The following BNC1 variants were observed in gnomAD, a reference collection of about 807,000 sequenced individuals.
BNC1 encodes the protein zinc finger protein basonuclin-1.
In BNC1, 8 loss-of-function variants were observed where a neutral mutation model predicts 66.5. That is an observed-to-expected ratio of 0.12 (90% CI 0.07 to 0.22). The LOEUF (loss-of-function observed/expected upper bound fraction) is 0.22. Among genes scored for constraint, BNC1 ranks in the 10% least tolerant of loss-of-function variants. BNC1 has a pLI of 1.00. For synonymous variants in BNC1, 454 were observed against 452.6 expected (o/e 1.00, Z -0.04); for missense variants, 1,069 against 1,241.3 (o/e 0.86, Z 2.09).
chr15:83,284,500 C>T (rs1298942223), intron 1 of BNC1, 30 bp downstream of exon 1: 4 of 1,196,334 alleles, frequency 3.3e-6, no homozygotes, highest in Admixed American at 7.7e-5. Context: ...CACAGAGAAT[C>T]CCCGCGCCCG....
In BNC1 at chr15:83,264,255, A is replaced by T. The variant is rs2038188139; in HGVS notation, c.996T>A (p.Phe332Leu). The stretch of plus-strand genomic sequence containing the variant: ...CCTCAGGGGATAACTGTGTCCTTTC[A>T]AACTTAGTGACAATGTTGTATGAGC... Reference protein sequence around the residue: ...DSSSYNIVTKFERTQLSPEAK... With the variant: ...DSSSYNIVTKLERTQLSPEAK... The change falls in exon 4 of 5, where the codon TTT becomes TTA. Residue 332 changes from phenylalanine to leucine, a missense_variant. Physicochemically the swap from Phe to Leu is conservative, Grantham distance 22 (BLOSUM62 0). Around this residue, in one of 7 missense-constraint regions of BNC1, gnomAD observed 82 missense variants for 136.3 expected, o/e 0.60. Coordinates refer to ENST00000345382, the MANE Select transcript of BNC1 (RefSeq NM_001717.4). 1 of 1,614,010 alleles carries T rather than the reference A, an allele frequency of 6.2e-7. No homozygotes were observed.
chr15:83,277,434 T>G (rs2038334954), intron 1 of BNC1, among the ~76,000 whole-genome samples: 1 of 152,098 alleles, frequency 6.6e-6, no homozygotes, highest in South Asian at 2.1e-4. Context: ...CTCAGCTTCC[T>G]GAGTAGCTGG....
At chr15:83,267,861 AATAG>A (rs1298243327) in intron 2 of BNC1, among the ~76,000 whole-genome samples, 2 of 152,236 alleles carry the variant, frequency 1.3e-5, no homozygotes, top group Non-Finnish European at 2.9e-5. Flanking sequence ...TAGAGGCTGT[AATAG>A]ATAGAACAGA....
intron 4 of BNC1, among the ~76,000 whole-genome samples, chr15:83,262,652 T>C (rs1361254458): frequency 6.6e-6 from 1 of 152,218 alleles, no homozygotes. Flanking sequence ...TTTCTCAAAC[T>C]GTAGCCCCCA....
Position 83,266,908 on chromosome 15 carries a change from T to G in BNC1, c.363A>C (p.Gln121His), listed in dbSNP as rs200222432. 41 of 1,614,224 alleles carry G rather than the reference T, an allele frequency of 2.5e-5. No individual in the cohort carries two copies. Among genetic ancestry groups the G allele is most frequent in the Non-Finnish European group, 3.4e-6 (4 of 1,180,032 alleles). Residue 121 changes from glutamine to histidine, a missense_variant, in exon 3 of 5, where the codon CAA becomes CAC. By Grantham distance (24) the Gln-to-His change is conservative (BLOSUM62 0). This residue lies in a region of BNC1 where 39 missense variants were observed against 89.5 expected (regional missense o/e 0.44). Transcript: ENST00000345382. Reference sequence around the variant, plus strand: ...CATGGAGGATCTGGAGAACCTCATCTTGCTTCAACACACTGAAGAGCCGGT... The same window carrying G: ...CATGGAGGATCTGGAGAACCTCATCGTGCTTCAACACACTGAAGAGCCGGT... ...LLDRLFSVLK[Q>H]DEVLQILHAL...
rs149687703 is a variant in BNC1, at chr15:83,263,675, C to T, written c.1576G>A (p.Glu526Lys). Residue 526 changes from glutamate (E) to lysine (K), a missense_variant, in exon 4 of 5, where the codon GAA becomes AAA. Transcript: ENST00000345382. ...SSIPEQLISN[E>K]MPFDALPKKK... ...TTGGGAAGGGCATCAAATGGCATTT[C>T]GTTTGAAATGAGCTGTTCTGGGATT... The T allele has an allele frequency of 3.5e-4, 564 of 1,614,150 alleles. 4 individuals are homozygous for T. The South Asian group carries it at 4.2e-3, about 12-fold the overall frequency.
rs535789928 is a variant in BNC1 at position 83,282,805 on chromosome 15, T to A, written c.99+1725A>T. 1.7e-4 allele frequency among the ~76,000 whole-genome samples: 26 copies of A among 152,326 alleles called. No individual in the cohort carries two copies. In the East Asian group the frequency reaches 3.7e-3, roughly 21 times the overall value. ...CGCTTTGATGAAAAGAATATATTTT[T>A]AAAAAAATTGTTGCTACATCTGCTC... On this transcript the variant is annotated intron_variant, in intron 1 of 4. Transcript: ENST00000345382.
rs374792998 is a variant in BNC1 at position 83,263,676 on chromosome 15, G to T, written c.1575C>A (p.Asn525Lys). Reference sequence around the variant, plus strand: ...TGGGAAGGGCATCAAATGGCATTTCGTTTGAAATGAGCTGTTCTGGGATTG... The same window carrying T: ...TGGGAAGGGCATCAAATGGCATTTCTTTTGAAATGAGCTGTTCTGGGATTG... ...SSSIPEQLIS[N>K]EMPFDALPKK... is the part of the protein sequence containing the mutation. Residue 525 changes from asparagine (N) to lysine (K), a missense_variant, in exon 4 of 5, where the codon AAC (asparagine) becomes AAA (lysine). Physicochemically the swap from Asn to Lys is moderately conservative, Grantham distance 94. Around this residue, in one of 7 missense-constraint regions of BNC1, gnomAD observed 657 missense variants for 715.8 expected, o/e 0.92. Coordinates refer to ENST00000345382, the MANE Select transcript of BNC1 (RefSeq NM_001717.4). 3.1e-6 allele frequency: 5 copies of T among 1,614,196 alleles called. No homozygotes were observed. The African/African-American group carries it at 6.7e-5, about 22-fold the overall frequency.
At chr15:83,265,449 G>A (rs1407670840) in intron 3 of BNC1, among the ~76,000 whole-genome samples, 1 of 152,176 alleles carries the variant, frequency 6.6e-6, no homozygotes, top group East Asian at 1.9e-4. Flanking sequence ...GGCCTACTGA[G>A]ATTTTTCACA....
At chr15:83,283,983 C>G (rs2038413881) in intron 1 of BNC1, among the ~76,000 whole-genome samples, 1 of 152,162 alleles carries the variant, frequency 6.6e-6, no homozygotes, top group Non-Finnish European at 1.5e-5. Flanking sequence ...CCGCCCGTCT[C>G]CGCAGTTCTC....
chr15:83,270,923 C>A (rs770446395), intron 1 of BNC1, among the ~76,000 whole-genome samples: 5 of 152,184 alleles, frequency 3.3e-5, no homozygotes, highest in Non-Finnish European at 7.3e-5. Flanking sequence ...GAAAGCCACT[C>A]AACTGTACAC....
At chr15:83,266,305 G>T (rs956897697) in intron 3 of BNC1, among the ~76,000 whole-genome samples, 4 of 151,870 alleles carry the variant, frequency 2.6e-5, no homozygotes, top group Non-Finnish European at 5.9e-5. Flanking sequence ...CACACATATA[G>T]AGAGAGAGAT....
In BNC1 at chr15:83,267,064, A is replaced by G. The variant is rs1293943053; in HGVS notation, c.207T>C (p.Ser69=). The change falls in exon 3 of 5, where the codon AGT becomes AGC. Residue 69 remains serine, a synonymous_variant. Coordinates refer to ENST00000345382, the MANE Select transcript of BNC1 (RefSeq NM_001717.4). ...GATACATGGGGGGGATCCTTAGCTT[A>G]CTTAGAGCTGAAAAATCAAATTGAG... ...CKHGWVAHAL[S]KLRIPPMYPT... is the part of the protein sequence containing the mutation. 4.3e-6 allele frequency: 7 copies of G among 1,610,500 alleles called. No individual in the cohort carries two copies. Among genetic ancestry groups the G allele is most frequent in the Non-Finnish European group, 5.1e-6 (6 of 1,176,934 alleles).
At position 83,257,647 on chromosome 15, in the gene BNC1, G is replaced by A; in HGVS notation, c.2780C>T (p.Pro927Leu). ...CTTTTGGCAGAGATGACAGGTTATG[G>A]GCAACCCAGAAGGCAGGCTAGCAAG... The part of the protein sequence containing the change: ...QSLASLPSGL[P>L]ITCHLCQKTY... Residue 927 changes from proline to leucine, a missense_variant, in exon 5 of 5, where the codon CCC (proline) becomes CTC (leucine). Physicochemically the swap from Pro to Leu is moderately conservative, Grantham distance 98 (BLOSUM62 -3). Transcript: ENST00000345382. 1 of 1,614,110 alleles carries A rather than the reference G, an allele frequency of 6.2e-7. No individual in the cohort carries two copies. Among genetic ancestry groups the A allele is most frequent in the Non-Finnish European group, 8.5e-7 (1 of 1,180,022 alleles).
chr15:83,272,109 C>T (rs1217032862), intron 1 of BNC1, among the ~76,000 whole-genome samples: 1 of 152,226 alleles, frequency 6.6e-6, no homozygotes, highest in Admixed American at 6.5e-5. Context: ...ACACTCAGTA[C>T]TAAACCTCTG....
chr15:83,272,410 G>GT (rs2038278214), intron 1 of BNC1, among the ~76,000 whole-genome samples: 1 of 67,096 alleles, frequency 1.5e-5, no homozygotes, highest in African/African-American at 7.2e-5. Context: ...TTTTTTTTTT[G>GT]TATTTTTAGT....
intron 1 of BNC1, among the ~76,000 whole-genome samples, chr15:83,277,508 A>C (rs2038336711): frequency 6.6e-6 from 1 of 152,032 alleles, no homozygotes; most frequent in South Asian, 2.1e-4. Flanking sequence ...ATGGGGTTTC[A>C]CCATGTTAGT....
intron 4 of BNC1, among the ~76,000 whole-genome samples, chr15:83,260,255 G>A (rs1331670027): frequency 6.6e-6 from 1 of 152,102 alleles, no homozygotes; most frequent in Non-Finnish European, 1.5e-5. Flanking sequence ...AGACATTAAT[G>A]AGATTTACAA....
chr15:83,258,720 T>C (rs1279118062), intron 4 of BNC1, among the ~76,000 whole-genome samples: 1 of 152,176 alleles, frequency 6.6e-6, no homozygotes, highest in Non-Finnish European at 1.5e-5. Context: ...CAGGAAACAT[T>C]ACCTTCTGGG....
Sources: allele counts gnomAD v4.1 joint callset (sites outside exome capture counted in the v4.1 genomes callset), GRCh38; gene constraint gnomAD v4.1.1; regional missense constraint gnomAD v4.1.1; transcripts MANE v1.5; gene names NCBI Gene and HGNC (gene_info 2026-07-23, HGNC 2026-07-21).